Variants in CSMD1 observed in about 807,000 individuals in gnomAD.
CSMD1 encodes CUB and sushi domain-containing protein 1.
A neutral mutation model predicts 417.5 loss-of-function variants in CSMD1; 213 were observed. That is an observed-to-expected ratio of 0.51 (90% CI 0.46 to 0.57). CSMD1 has a LOEUF of 0.57. CSMD1 is among the 20% of genes least tolerant of loss of function. CSMD1 has a pLI of 0.00. For synonymous variants in CSMD1, 2,862 were observed against 1,736.8 expected, an observed-to-expected ratio of 1.65 and a Z score of -16.11; for missense variants, 6,923 against 4,529.7, an observed-to-expected ratio of 1.53 and a Z score of -15.17.
intron 3 of CSMD1, among the ~76,000 whole-genome samples, chr8:4,139,649 C>T (rs1234499501): frequency 1.3e-5 from 2 of 151,124 alleles, no homozygotes; most frequent in Admixed American, 1.3e-4. Context: ...CCAGCAGATG[C>T]AAGGGCAAAG....
chr8:3,075,949 G>A lies in CSMD1; in HGVS notation c.7474+11148C>T, dbSNP rs1384416597. Among the ~76,000 whole-genome samples, 5 of 151,616 alleles carry A rather than the reference G, an allele frequency of 3.3e-5. No homozygotes were observed. The South Asian group carries it at 8.3e-4, about 25-fold the overall frequency. ...GCCTGTAGTCCCAGCTCCTAGGGAC[G>A]CTGAGGCAGGAGAATGGCATGAACC... On this transcript the variant is annotated intron_variant, in intron 49 of 69. Coordinates refer to ENST00000635120, the MANE Select transcript of CSMD1 (RefSeq NM_033225.6).
intron 30 of CSMD1, among the ~76,000 whole-genome samples, chr8:3,206,623 TGG>T (rs769420794): frequency 7.7e-6 from 1 of 130,058 alleles, no homozygotes; most frequent in East Asian, 2.5e-4. Context: ...TATGTGTGTG[TGG>T]GGTTATGTCT....
At position 3,998,120 on chromosome 8, in the gene CSMD1, C is replaced by A. The variant is rs370402008; in HGVS notation, c.611-10G>T. On this transcript the variant is annotated splice_polypyrimidine_tract_variant and intron_variant, in intron 4 of 69. Transcript: ENST00000635120. ...CCGCAGGCTCCCTCAGCTGCAGGGGCAAAAGCAGAAAGAAAGCATCACATT... is the reference window on the plus strand; with the variant it reads ...CCGCAGGCTCCCTCAGCTGCAGGGGAAAAAGCAGAAAGAAAGCATCACATT... 1.2e-5 allele frequency: 18 copies of A among 1,550,904 alleles called. No individual in the cohort carries two copies. The African/African-American group carries it at 2.2e-4, about 19-fold the overall frequency.
At chr8:3,639,183 G>T (rs574267138) in intron 7 of CSMD1, among the ~76,000 whole-genome samples, 71 of 152,330 alleles carry the variant, frequency 4.7e-4, no homozygotes, top group Admixed American at 2.8e-3. Context: ...AGAGGACAGA[G>T]TAAGTCAGAA....
Position 2,941,504 on chromosome 8 carries a change from C to A in CSMD1, c.10535+968G>T, listed in dbSNP as rs572622361. 1.5e-3 allele frequency among the ~76,000 whole-genome samples: 229 copies of A among 152,250 alleles called. 1 individual carries two copies. The highest frequency in any genetic ancestry group is 4.9e-3 in the African/African-American group (204 of 41,550). ...CAAATAGTATTTTAGAGTAGTTTGG[C>A]ATTTCCAGATTCCTCCAGGTAATGT... On this transcript the variant is annotated intron_variant, in intron 69 of 69. Transcript: ENST00000635120.
intron 3 of CSMD1, among the ~76,000 whole-genome samples, chr8:4,221,491 A>T (rs1310773872): frequency 6.6e-6 from 1 of 152,200 alleles, no homozygotes; most frequent in Non-Finnish European, 1.5e-5. Flanking sequence ...TAAATGGGTA[A>T]TTTGGGAATT....
chr8:2,964,947 C>G (rs1803831165), intron 59 of CSMD1, among the ~76,000 whole-genome samples: 1 of 152,186 alleles, frequency 6.6e-6, no homozygotes, highest in Non-Finnish European at 1.5e-5. Context: ...CTCTCCCTCC[C>G]TCAGTATTTT....
intron 3 of CSMD1, among the ~76,000 whole-genome samples, chr8:4,307,030 T>C (rs780720036): frequency 6.6e-5 from 10 of 152,110 alleles, no homozygotes; most frequent in Non-Finnish European, 1.0e-4. Context: ...GCCTGCACCA[T>C]GTCCACTGTG....
chr8:4,156,748 T>A (rs1465881598), intron 3 of CSMD1, among the ~76,000 whole-genome samples: 1 of 152,132 alleles, frequency 6.6e-6, no homozygotes, highest in Non-Finnish European at 1.5e-5. Context: ...AGCTTCAACC[T>A]TTGAACAGGA....
intron 3 of CSMD1, among the ~76,000 whole-genome samples, chr8:4,044,323 T>A (rs1458425533): frequency 6.6e-6 from 1 of 152,178 alleles, no homozygotes; most frequent in Admixed American, 6.5e-5. Flanking sequence ...GATGCAACAC[T>A]TAAAAATAAC....
chr8:3,253,441 A>C lies in CSMD1; in HGVS notation c.4154-23210T>G, dbSNP rs1472682369. ...TTTTACATTTGCTGAGGAGTGCTTTACTTCCAACTATGTGGTCAATTTTGG... is the reference window on the plus strand; with the variant it reads ...TTTTACATTTGCTGAGGAGTGCTTTCCTTCCAACTATGTGGTCAATTTTGG... On this transcript the variant is annotated intron_variant, in intron 26 of 69. Coordinates refer to ENST00000635120, the MANE Select transcript of CSMD1 (RefSeq NM_033225.6). Among the ~76,000 whole-genome samples the C allele has an allele frequency of 3.3e-5, 5 of 152,054 alleles. 1 individual carries two copies. Among genetic ancestry groups the C allele is most frequent in the Admixed American group, 3.3e-4 (5 of 15,258 alleles).
intron 54 of CSMD1, among the ~76,000 whole-genome samples, 190 bp downstream of exon 54, chr8:2,997,821 C>A (rs1807044976): frequency 6.6e-6 from 1 of 152,250 alleles, no homozygotes; most frequent in South Asian, 2.1e-4. Flanking sequence ...GAACATCTGG[C>A]CACGAGACAG....
chr8:4,279,356 C>T (rs548529876), intron 3 of CSMD1, among the ~76,000 whole-genome samples: 7 of 152,154 alleles, frequency 4.6e-5, no homozygotes, highest in African/African-American at 7.2e-5. Context: ...AGGTGGCAAA[C>T]GGACATCTCA....
At chr8:4,535,043 G>C (rs1008102765) in intron 2 of CSMD1, among the ~76,000 whole-genome samples, 1 of 152,094 alleles carries the variant, frequency 6.6e-6, no homozygotes, top group Non-Finnish European at 1.5e-5. Flanking sequence ...TTACAGGCGT[G>C]AGCCACCACG....
chr8:4,106,776 C>A (rs1585325744), intron 3 of CSMD1, among the ~76,000 whole-genome samples: 1 of 152,156 alleles, frequency 6.6e-6, no homozygotes, highest in Non-Finnish European at 1.5e-5. Context: ...TCAGCGGCCA[C>A]AGTGGCTGAC....
chr8:3,071,348 T>C (rs1813310525), intron 49 of CSMD1, among the ~76,000 whole-genome samples: 1 of 152,018 alleles, frequency 6.6e-6, no homozygotes, highest in Non-Finnish European at 1.5e-5. Flanking sequence ...CCGGGGCCCA[T>C]CACGGGGTGG....
intron 2 of CSMD1, among the ~76,000 whole-genome samples, chr8:4,475,725 G>A (rs777764920): frequency 6.6e-6 from 1 of 151,734 alleles, no homozygotes; most frequent in African/African-American, 2.4e-5. Context: ...GGATTCTCCT[G>A]CATCAGCCTC....
At chr8:4,415,687 C>A (rs538341971) in intron 3 of CSMD1, among the ~76,000 whole-genome samples, 1 of 152,080 alleles carries the variant, frequency 6.6e-6, no homozygotes, top group East Asian at 1.9e-4. Context: ...GTAGAGGCCC[C>A]GTGAATGCTG....
intron 3 of CSMD1, among the ~76,000 whole-genome samples, chr8:4,205,576 A>G (rs915921540): frequency 2.0e-5 from 3 of 152,248 alleles, no homozygotes; most frequent in Non-Finnish European, 4.4e-5. Flanking sequence ...GTGACACAGC[A>G]TATAAATGAT....
Sources: allele counts gnomAD v4.1 joint callset (sites outside exome capture counted in the v4.1 genomes callset), GRCh38; gene constraint gnomAD v4.1.1; transcripts MANE v1.5; gene names NCBI Gene and HGNC (gene_info 2026-07-23, HGNC 2026-07-21).